LIN28A: variants seen among roughly 807,000 people sequenced by gnomAD.
The protein encoded by LIN28A is protein lin-28 homolog A.
Under a neutral mutation model 21.1 loss-of-function variants are expected in LIN28A, and 11 were observed. That is an observed-to-expected ratio of 0.52 (90% CI 0.33 to 0.86). LIN28A has a LOEUF of 0.86. Ranked by LOEUF, LIN28A falls within the 40% of genes least tolerant of loss-of-function variation. The probability of loss-of-function intolerance (pLI) is 0.03; values close to 1 mark genes in which losing one functional copy is unlikely to be tolerated. For synonymous variants in LIN28A, 111 were observed against 108.7 expected, an observed-to-expected ratio of 1.02 and a Z score of -0.13; for missense variants, 219 against 279.8, an observed-to-expected ratio of 0.78 and a Z score of 1.55.
At position 26,417,603 on chromosome 1, in the gene LIN28A, T is replaced by A. The variant is rs1419778942; in HGVS notation, c.228+6021T>A. On this transcript the variant is annotated intron_variant, in intron 2 of 3. Coordinates refer to ENST00000326279, the MANE Select transcript of LIN28A (RefSeq NM_024674.6). ...CTCAGCTCTTGCCTCTTATTGCGAC[T>A]TTAACCAAGGTGCTTATTAACCCCT... Among the ~76,000 whole-genome samples the A allele has an allele frequency of 3.9e-5, 6 of 152,218 alleles. No homozygotes were observed. The East Asian group carries it at 7.7e-4, about 20-fold the overall frequency.
intron 2 of LIN28A, among the ~76,000 whole-genome samples, chr1:26,424,024 G>T (rs916635088): frequency 1.3e-5 from 2 of 151,326 alleles, no homozygotes; most frequent in African/African-American, 4.9e-5. Context: ...GCCTCCCAAA[G>T]TGCTGGGATT....
chr1:26,413,877 G>C (rs113740247), intron 2 of LIN28A, among the ~76,000 whole-genome samples: 2,342 of 146,508 alleles, frequency 0.016, 24 homozygotes, highest in African/African-American at 0.032. Flanking sequence ...GGCCAGGCTG[G>C]AGTGCAATGG....
chr1:26,417,347 GAC>G (rs1239151973), intron 2 of LIN28A, among the ~76,000 whole-genome samples: 2 of 152,106 alleles, frequency 1.3e-5, no homozygotes, highest in Admixed American at 6.5e-5. Flanking sequence ...CACCCTCCTT[GAC>G]ACACACACCA....
At chr1:26,424,525 C>T (rs556618348) in intron 2 of LIN28A, among the ~76,000 whole-genome samples, 1 of 152,326 alleles carries the variant, frequency 6.6e-6, no homozygotes, top group African/African-American at 2.4e-5. Flanking sequence ...AAGGCGTAAG[C>T]CACCGTGTGT....
At position 26,422,532 on chromosome 1, in the gene LIN28A, T is replaced by C. The variant is rs558456448; in HGVS notation, c.229-2771T>C. Among the ~76,000 whole-genome samples the C allele has an allele frequency of 6.8e-4, 103 of 152,254 alleles. No homozygotes were observed. In the Middle Eastern group the frequency reaches 0.02, roughly 30 times the overall value. On this transcript the variant is annotated intron_variant, in intron 2 of 3. Transcript: ENST00000326279. ...TTGACATTTTTGAAGTCCTGTTTTATAGGAATGTCCCTCAGTTTGGGTTTG... is the reference window on the plus strand; with the variant it reads ...TTGACATTTTTGAAGTCCTGTTTTACAGGAATGTCCCTCAGTTTGGGTTTG...
In LIN28A at chr1:26,422,331, G is replaced by A. The variant is rs1051954910; in HGVS notation, c.229-2972G>A. Among the ~76,000 whole-genome samples the A allele has an allele frequency of 2.6e-4, 39 of 151,642 alleles. 1 individual carries two copies. The highest frequency in any genetic ancestry group is 8.5e-4 in the African/African-American group (35 of 41,300). On this transcript the variant is annotated intron_variant, in intron 2 of 3. Coordinates refer to ENST00000326279, the MANE Select transcript of LIN28A (RefSeq NM_024674.6). ...TGGCTGGGAATATCAATCTTACATC[G>A]TTTCAGTACACTAATCATAATCAGG...
At chr1:26,413,073 G>A (rs188203327) in intron 2 of LIN28A, among the ~76,000 whole-genome samples, 46 of 152,262 alleles carry the variant, frequency 3.0e-4, no homozygotes, top group African/African-American at 1.1e-3. Context: ...AGAAAGAAGG[G>A]AATTGGCCTT....
intron 2 of LIN28A, among the ~76,000 whole-genome samples, chr1:26,412,247 A>G (rs2074965110): frequency 1.3e-5 from 2 of 152,102 alleles, no homozygotes; most frequent in Admixed American, 1.3e-4. Flanking sequence ...CTGGGAGGGA[A>G]GTCGGTAGGT....
rs919714326 is a variant in LIN28A, at chr1:26,426,586, C to G, written c.*128C>G. On this transcript the variant is annotated 3_prime_UTR_variant, in exon 4 of 4. Coordinates refer to ENST00000326279, the MANE Select transcript of LIN28A (RefSeq NM_024674.6). ...CATGTATCTCAGGCTTGGGTTCACACCATCACCCTTTCTTCCCTCTAGGTG... is the reference window on the plus strand; with the variant it reads ...CATGTATCTCAGGCTTGGGTTCACAGCATCACCCTTTCTTCCCTCTAGGTG... 2 of 707,790 alleles carry G rather than the reference C, an allele frequency of 2.8e-6. No individual in the cohort carries two copies. The highest frequency in any genetic ancestry group is 3.6e-5 in the African/African-American group (2 of 56,196). The allele number at this position is 707,790 out of a possible 1,614,324, so 43.8% of individuals were successfully genotyped here. A position where few individuals can be genotyped will look rare whatever the true frequency, so the allele number is the denominator to read the frequency against.
rs866181990 is a variant in LIN28A at position 26,411,429 on chromosome 1, G to A, written c.75G>A (p.Pro25=). Residue 25 remains proline, a synonymous_variant, in exon 2 of 4, where the codon CCG becomes CCA. Transcript: ENST00000326279. The surrounding 1 kb of genome is among the most constrained non-coding windows in gnomAD (Gnocchi z 5.4). ...CAGAAGAGGCGCCCGAGGAGGCGCC[G>A]GAGGACGCGGCCCGGGCGGCGGACG... ...KAAEEAPEEA[P]EDAARAADEP... is the part of the protein sequence containing the mutation. 1.2e-6 allele frequency: 2 copies of A among 1,606,518 alleles called. No homozygotes were observed. The highest frequency in any genetic ancestry group is 1.7e-5 in the Admixed American group (1 of 58,830).
chr1:26,419,851 T>G (rs1045288801), intron 2 of LIN28A, among the ~76,000 whole-genome samples: 3 of 152,182 alleles, frequency 2.0e-5, no homozygotes, highest in Non-Finnish European at 2.9e-5. Flanking sequence ...AAGCTGGAAT[T>G]GCTTGGGTCC....
intron 2 of LIN28A, among the ~76,000 whole-genome samples, chr1:26,412,210 A>G (rs749677360): frequency 6.6e-6 from 1 of 152,228 alleles, no homozygotes; most frequent in African/African-American, 2.4e-5. Flanking sequence ...CAAAGAGCCC[A>G]GGCCTTCCTT....
In LIN28A at chr1:26,410,837, C is replaced by A. The variant is rs376483928; in HGVS notation, c.-55C>A. 6.3e-7 allele frequency: 1 copy of A among 1,597,568 alleles called. No homozygotes were observed. The highest frequency in any genetic ancestry group is 8.6e-7 in the Non-Finnish European group (1 of 1,166,476). On this transcript the variant is annotated 5_prime_UTR_variant, in exon 1 of 4. Coordinates refer to ENST00000326279, the MANE Select transcript of LIN28A (RefSeq NM_024674.6). ...CCAACCCTTTGCCTTCGGACTTCTC[C>A]GGGGCCAGCAGCCGCCCGACCAGGG... is the stretch of plus-strand genomic sequence containing the variant.
intron 2 of LIN28A, among the ~76,000 whole-genome samples, chr1:26,417,694 T>A (rs995864363): frequency 6.6e-6 from 1 of 152,202 alleles, no homozygotes; most frequent in African/African-American, 2.4e-5. Context: ...CAGTTTGATA[T>A]GAGGGTTAAA....
chr1:26,418,268 T>C (rs1296490940), intron 2 of LIN28A, among the ~76,000 whole-genome samples: 2 of 151,614 alleles, frequency 1.3e-5, no homozygotes, highest in Non-Finnish European at 1.5e-5. Context: ...ATGCTTGGGG[T>C]GGGCGCGGTG....
intron 2 of LIN28A, among the ~76,000 whole-genome samples, chr1:26,421,699 T>C (rs1340251187): frequency 2.0e-5 from 3 of 152,340 alleles, no homozygotes; most frequent in East Asian, 3.9e-4. Flanking sequence ...TACCTATTGA[T>C]TTCTCCATAT....
chr1:26,420,261 G>A (rs563237873), intron 2 of LIN28A, among the ~76,000 whole-genome samples: 4 of 152,152 alleles, frequency 2.6e-5, no homozygotes, highest in East Asian at 1.9e-4. Context: ...CACCATGCCC[G>A]ACCTTACAAA....
chr1:26,425,525 G>GCAT (rs966267474), intron 3 of LIN28A, 38 bp downstream of exon 3: 1 of 1,579,718 alleles, frequency 6.3e-7, no homozygotes, highest in Non-Finnish European at 8.7e-7. Flanking sequence ...GTTGCTAAGG[G>GCAT]CATCCCCAGT....
At chr1:26,416,862 C>T (rs1268384196) in intron 2 of LIN28A, among the ~76,000 whole-genome samples, 3 of 152,082 alleles carry the variant, frequency 2.0e-5, no homozygotes, top group Non-Finnish European at 4.4e-5. Flanking sequence ...CGTGGTGATC[C>T]GCCTGCCTCG....
Sources: gnomAD v4.1 joint callset for allele counts (sites outside exome capture counted in the v4.1 genomes callset) on GRCh38, gnomAD v4.1.1 for gene constraint, Gnocchi (gnomAD v3.1) non-coding constraint, MANE v1.5 for transcripts, NCBI Gene and HGNC (gene_info 2026-07-23, HGNC 2026-07-21) for gene names.